Variants in SYNE1 observed in about 807,000 individuals in gnomAD.
SYNE1 encodes the protein nesprin-1.
In SYNE1, 616 loss-of-function variants were observed where a neutral mutation model predicts 1,111.0. The observed-to-expected ratio is 0.55, with a 90% CI of 0.52 to 0.59. The LOEUF (loss-of-function observed/expected upper bound fraction) is 0.59. SYNE1 is among the 20% of genes least tolerant of loss of function. The pLI is 0.00. For missense variants in SYNE1, 10,006 were observed against 10,417.0 expected, an observed-to-expected ratio of 0.96 and a Z score of 1.72; for synonymous variants, 3,855 against 3,825.8, an observed-to-expected ratio of 1.01 and a Z score of -0.28.
At chr6:152,555,597 A>C (rs1357568974) in intron 3 of SYNE1, among the ~76,000 whole-genome samples, 3 of 152,212 alleles carry the variant, frequency 2.0e-5, no homozygotes, top group Non-Finnish European at 4.4e-5. Context: ...ACCTGATTGC[A>C]TTTTAAATTA....
chr6:152,136,366 G>A (rs542877721), intron 141 of SYNE1, among the ~76,000 whole-genome samples: 6 of 152,320 alleles, frequency 3.9e-5, no homozygotes, highest in Admixed American at 1.3e-4. Context: ...GGAGCGTTGC[G>A]ACGGAGATAA....
chr6:152,538,508 G>T (rs1405695), intron 4 of SYNE1, among the ~76,000 whole-genome samples: 43,144 of 151,660 alleles, frequency 0.28, 6,788 homozygotes, highest in East Asian at 0.45. Context: ...ACTGTATCTG[G>T]ATTATGTGAT....
In SYNE1 at chr6:152,148,502, G is replaced by A; in HGVS notation, c.24643-124C>T. On this transcript the variant is annotated intron_variant, in intron 136 of 145. Transcript: ENST00000367255. The surrounding 1 kb of genome is among the most constrained non-coding windows in gnomAD (Gnocchi z 4.1). The stretch of plus-strand genomic sequence containing the variant: ...ATGAGCAAATAAATAAGAATCTTCT[G>A]ATCACAGAAATACAGGGGACAGTGC... 1.2e-6 allele frequency: 1 copy of A among 852,190 alleles called. No individual in the cohort carries two copies. The allele number at this position is 852,190 out of a possible 1,614,324, so 52.8% of individuals were successfully genotyped here. A position where few individuals can be genotyped will look rare whatever the true frequency, so the allele number is the denominator to read the frequency against.
chr6:152,265,130 C>T (rs929232073), intron 100 of SYNE1, among the ~76,000 whole-genome samples: 13 of 143,846 alleles, frequency 9.0e-5, no homozygotes, highest in African/African-American at 2.3e-4. Flanking sequence ...CACTTGTACC[C>T]GGGAGGCAGA....
intron 88 of SYNE1, 39 bp from the exon 89 acceptor site, chr6:152,310,557 A>C: frequency 6.2e-7 from 1 of 1,613,512 alleles, no homozygotes; most frequent in Non-Finnish European, 8.5e-7. Context: ...TTGAAGTTCA[A>C]AGCCATAGGG....
chr6:152,465,327 T>C lies in SYNE1; in HGVS notation c.1863A>G (p.Thr621=). ...CTAGCCAGGCTTGCAGACTAGCCAC[T>C]GTATTGCCATAGCGATCCCAGTTAG... ...VISNWDRYGN[T]VASLQAWLED... The change falls in exon 18 of 146, where the codon ACA becomes ACG. Residue 621 remains threonine (T), a synonymous_variant. Transcript: ENST00000367255. 6.2e-7 allele frequency: 1 copy of C among 1,613,886 alleles called. No homozygotes were observed. The highest frequency in any genetic ancestry group is 8.5e-7 in the Non-Finnish European group (1 of 1,179,828).
Position 152,352,088 on chromosome 6 carries a change from T to A in SYNE1, c.11519A>T (p.His3840Leu). The A allele has an allele frequency of 6.2e-7, 1 of 1,614,244 alleles. No homozygotes were observed. The highest frequency in any genetic ancestry group is 1.1e-5 in the South Asian group (1 of 91,084). ...QWIAEYQEIL[H>L]VPEEPKMELY... The stretch of plus-strand genomic sequence containing the variant: ...TTCCATTTTGGGTTCTTCAGGAACA[T>A]GTAGAATTTCCTGGTATTCTGCTAT... The change falls in exon 70 of 146, where the codon CAT (histidine) becomes CTT (leucine). Residue 3840 changes from histidine to leucine, a missense_variant. His to Leu is a moderately conservative substitution (Grantham distance 99, BLOSUM62 -3). Transcript: ENST00000367255.
intron 6 of SYNE1, among the ~76,000 whole-genome samples, chr6:152,519,577 A>AGG (rs2099128959): frequency 1.3e-5 from 2 of 152,150 alleles, no homozygotes; most frequent in South Asian, 4.1e-4. Flanking sequence ...ATTGTGGGGG[A>AGG]GGACATCTTT....
chr6:152,263,554 G>A (rs1468874164), intron 100 of SYNE1, among the ~76,000 whole-genome samples: 1 of 151,570 alleles, frequency 6.6e-6, no homozygotes, highest in African/African-American at 2.4e-5. Flanking sequence ...ACCAGACTTG[G>A]CTAATTTTTT....
intron 54 of SYNE1, among the ~76,000 whole-genome samples, chr6:152,386,456 G>C (rs1350162418): frequency 6.6e-6 from 1 of 152,074 alleles, no homozygotes; most frequent in African/African-American, 2.4e-5. Context: ...AAGAAGAAAA[G>C]AGTCAGTTCC....
chr6:152,330,772 T>C lies in SYNE1; in HGVS notation c.13913A>G (p.His4638Arg). 1 of 1,613,998 alleles carries C rather than the reference T, an allele frequency of 6.2e-7. No homozygotes were observed. The highest frequency in any genetic ancestry group is 1.1e-5 in the South Asian group (1 of 91,082). ...ATTTAGCTTTTCACTGAGGTAGGAA[T>C]GATCGACTTCATTCAGCGATGGTAA... Reference protein sequence around the residue: ...TILPSLNEVDHSYLSEKLNAL... With the variant: ...TILPSLNEVDRSYLSEKLNAL... The change falls in exon 78 of 146, where the codon CAT becomes CGT. Residue 4638 changes from histidine to arginine, a missense_variant. By Grantham distance (29) the His-to-Arg change is conservative. Around this residue, in one of 7 missense-constraint regions of SYNE1, gnomAD observed 4,955 missense variants for 5,017.2 expected, o/e 0.99. Coordinates refer to ENST00000367255, the MANE Select transcript of SYNE1 (RefSeq NM_182961.4).
chr6:152,463,393 A>C lies in SYNE1; in HGVS notation c.2057T>G (p.Leu686Arg). Reference protein sequence around the residue: ...SRDLKQQLLLLNGRWRELFME... With the variant: ...SRDLKQQLLLRNGRWRELFME... ...AAACAACTCCCTCCACCGCCCATTT[A>C]GCAACAGTAATTGCTGCTTCAGGTC... The change falls in exon 19 of 146, where the codon CTA becomes CGA. Residue 686 changes from leucine to arginine, a missense_variant. This residue lies in a region of SYNE1 where 1,971 missense variants were observed against 2,084.1 expected (regional missense o/e 0.95). Coordinates refer to ENST00000367255, the MANE Select transcript of SYNE1 (RefSeq NM_182961.4). 6.2e-7 allele frequency: 1 copy of C among 1,613,830 alleles called. No homozygotes were observed. The highest frequency in any genetic ancestry group is 8.5e-7 in the Non-Finnish European group (1 of 1,179,798).
At position 152,333,911 on chromosome 6, in the gene SYNE1, G is replaced by A. The variant is rs181892956; in HGVS notation, c.12794+97C>T. On this transcript the variant is annotated intron_variant, in intron 77 of 145. Transcript: ENST00000367255. ...GCCTCCTAAAGTGCTGGGATTACAG[G>A]CATCAGCCACTGCACCTGGGCACAT... 2.6e-6 allele frequency: 4 copies of A among 1,529,442 alleles called. No homozygotes were observed. In the South Asian group the frequency reaches 3.4e-5, roughly 13 times the overall value. The allele number at this position is 1,529,442 out of a possible 1,614,324, so 94.7% of individuals were successfully genotyped here.
At position 152,350,273 on chromosome 6, in the gene SYNE1, T is replaced by C; in HGVS notation, c.11796A>G (p.Gln3932=). 6.2e-7 allele frequency: 1 copy of C among 1,614,190 alleles called. No homozygotes were observed. The highest frequency in any genetic ancestry group is 8.5e-7 in the Non-Finnish European group (1 of 1,180,036). Reference sequence around the variant, plus strand: ...TCTGCAGCAGCCACTTTTCGACCTCTTGGAGCTCACTGTTGTAGTCTTCAT... The same window carrying C: ...TCTGCAGCAGCCACTTTTCGACCTCCTGGAGCTCACTGTTGTAGTCTTCAT... ...KDHEDYNSEL[Q]EVEKWLLQMS... is the part of the protein sequence containing the mutation. The change falls in exon 72 of 146, where the codon CAA becomes CAG. Residue 3932 remains glutamine (Q), a synonymous_variant. Coordinates refer to ENST00000367255, the MANE Select transcript of SYNE1 (RefSeq NM_182961.4).
Position 152,511,010 on chromosome 6 carries a change from C to T in SYNE1, c.402+1G>A. 6.2e-7 allele frequency: 1 copy of T among 1,613,468 alleles called. No homozygotes were observed. Among genetic ancestry groups the T allele is most frequent in the Non-Finnish European group, 8.5e-7 (1 of 1,179,480 alleles). ...CTGAAAGAGGAACTGTAGCACAATA[C>T]CTGGAAATATAGAATAATGGTCCAC... On this transcript the variant is annotated splice_donor_variant, in intron 7 of 145. Coordinates refer to ENST00000367255, the MANE Select transcript of SYNE1 (RefSeq NM_182961.4). LOFTEE classifies it high-confidence loss of function.
chr6:152,587,029 G>A (rs555095532), intron 3 of SYNE1, among the ~76,000 whole-genome samples: 2 of 152,204 alleles, frequency 1.3e-5, no homozygotes, highest in East Asian at 1.9e-4. Context: ...TCATATCTTT[G>A]TAAAGGGTTA....
chr6:152,213,582 A>T, intron 123 of SYNE1, 30 bp downstream of exon 123: 1 of 1,613,640 alleles, frequency 6.2e-7, no homozygotes, highest in Non-Finnish European at 8.5e-7. Flanking sequence ...AAAATTTCTT[A>T]TTACCCCCAA....
intron 105 of SYNE1, among the ~76,000 whole-genome samples, chr6:152,246,342 C>CAA (rs200806841): frequency 1.4e-5 from 2 of 143,988 alleles, no homozygotes; most frequent in Non-Finnish European, 3.1e-5. Flanking sequence ...CTTTAAACAA[C>CAA]AAAAAAAAAA....
In SYNE1 at chr6:152,326,285, T is replaced by TC. The variant is rs1355134023; in HGVS notation, c.15293+10dup. 1 of 1,614,044 alleles carries TC rather than the reference T, an allele frequency of 6.2e-7. No homozygotes were observed. The highest frequency in any genetic ancestry group is 2.2e-5 in the East Asian group (1 of 44,886). On this transcript the variant is annotated intron_variant, in intron 79 of 145. Transcript: ENST00000367255. ...TCACTAAAACATAAAACACAAAACA[T>TC]CCTGAAATACCTCTGCAAGAGATCC...
Sources: gnomAD v4.1 joint callset for allele counts (sites outside exome capture counted in the v4.1 genomes callset) on GRCh38, gnomAD v4.1.1 for gene constraint, gnomAD v4.1.1 regional missense constraint, Gnocchi (gnomAD v3.1) non-coding constraint, MANE v1.5 for transcripts, NCBI Gene and HGNC (gene_info 2026-07-23, HGNC 2026-07-21) for gene names.